AFF3: variants seen among roughly 807,000 people sequenced by gnomAD.
The protein encoded by AFF3 is AF4/FMR2 family member 3.
Under a neutral mutation model 129.7 loss-of-function variants are expected in AFF3, and 32 were observed. That is an observed-to-expected ratio of 0.25 (90% CI 0.19 to 0.33). AFF3 has a LOEUF of 0.33. Among genes scored for constraint, AFF3 ranks in the 10% least tolerant of loss-of-function variants. The probability of loss-of-function intolerance (pLI) is 1.00; values close to 1 mark genes in which losing one functional copy is unlikely to be tolerated. For missense variants in AFF3, 1,373 were observed against 1,592.0 expected (o/e 0.86, Z 2.34); for synonymous variants, 644 against 635.4 (o/e 1.01, Z -0.20).
chr2:99,896,682 C>T (rs1693990161), intron 7 of AFF3, among the ~76,000 whole-genome samples: 1 of 117,672 alleles, frequency 8.5e-6, no homozygotes, highest in Non-Finnish European at 1.6e-5. Flanking sequence ...GTCACCCAGG[C>T]TGGAGTGCCG....
chr2:99,788,314 A>G (rs1684955627), intron 8 of AFF3, among the ~76,000 whole-genome samples: 1 of 152,150 alleles, frequency 6.6e-6, no homozygotes, highest in Non-Finnish European at 1.5e-5. Context: ...CTGCTATCAG[A>G]GGAGAGGACA....
At chr2:99,659,617 A>C (rs995613271) in intron 12 of AFF3, among the ~76,000 whole-genome samples, 1 of 152,202 alleles carries the variant, frequency 6.6e-6, no homozygotes, top group Non-Finnish European at 1.5e-5. Context: ...ATAAGTGCTA[A>C]GTTCGAAAAG....
chr2:100,033,057 A>C (rs1345624060), intron 4 of AFF3, among the ~76,000 whole-genome samples: 1 of 152,134 alleles, frequency 6.6e-6, no homozygotes, highest in Non-Finnish European at 1.5e-5. Context: ...TCCACATACA[A>C]TTTTGTACAC....
chr2:99,924,952 T>C (rs1007628639), intron 7 of AFF3, among the ~76,000 whole-genome samples: 20 of 151,902 alleles, frequency 1.3e-4, no homozygotes, highest in Non-Finnish European at 1.9e-4. Context: ...CATGGCTCAC[T>C]GCAGCCTTGA....
intron 13 of AFF3, among the ~76,000 whole-genome samples, chr2:99,639,003 C>T (rs545620136): frequency 7.4e-4 from 112 of 152,290 alleles, no homozygotes; most frequent in African/African-American, 2.4e-3. Context: ...GAATTTCACC[C>T]GGAGGAGCCT....
chr2:100,125,753 G>A (rs747424988), intron 2 of AFF3, among the ~76,000 whole-genome samples: 27 of 152,044 alleles, frequency 1.8e-4, no homozygotes, highest in Non-Finnish European at 4.4e-5. Flanking sequence ...GGAAGGAGAG[G>A]AGGTGTTCCC....
intron 8 of AFF3, among the ~76,000 whole-genome samples, chr2:99,788,809 G>A (rs1418234053): frequency 6.6e-6 from 1 of 152,030 alleles, no homozygotes; most frequent in Non-Finnish European, 1.5e-5. Context: ...TCGTGGTAAG[G>A]GTCCTATGCA....
intron 11 of AFF3, among the ~76,000 whole-genome samples, chr2:99,695,193 C>T (rs1039731709): frequency 6.6e-6 from 1 of 152,088 alleles, no homozygotes; most frequent in Non-Finnish European, 1.5e-5. Context: ...TTAAGCCTAC[C>T]TCAGCTCAGA....
chr2:99,775,666 A>G (rs1188537599), intron 8 of AFF3, among the ~76,000 whole-genome samples: 2 of 152,034 alleles, frequency 1.3e-5, no homozygotes, highest in African/African-American at 4.8e-5. Context: ...TCCTGCACAT[A>G]TACCCCAGAA....
intron 4 of AFF3, among the ~76,000 whole-genome samples, chr2:100,045,498 C>T (rs1685760931): frequency 6.6e-6 from 1 of 151,754 alleles, no homozygotes; most frequent in African/African-American, 2.4e-5. Context: ...TAAGTGAGGG[C>T]TTTCAAAAAT....
At chr2:99,704,155 T>C (rs1486407601) in intron 11 of AFF3, among the ~76,000 whole-genome samples, 1 of 152,192 alleles carries the variant, frequency 6.6e-6, no homozygotes, top group Non-Finnish European at 1.5e-5. Flanking sequence ...TTCTTTCATA[T>C]GATGAAAGAA....
intron 7 of AFF3, among the ~76,000 whole-genome samples, chr2:99,844,398 C>T (rs1689558244): frequency 6.6e-6 from 1 of 151,528 alleles, no homozygotes; most frequent in South Asian, 2.1e-4. Context: ...TAATTTCTCC[C>T]CATTCCCCAT....
intron 11 of AFF3, among the ~76,000 whole-genome samples, chr2:99,714,654 C>A (rs1215568197): frequency 6.6e-6 from 1 of 152,136 alleles, no homozygotes; most frequent in Non-Finnish European, 1.5e-5. Flanking sequence ...AAAAGAAAAT[C>A]TTTTGGTAAC....
chr2:99,690,349 T>G (rs1211789828), intron 11 of AFF3, among the ~76,000 whole-genome samples: 1 of 150,450 alleles, frequency 6.6e-6, no homozygotes, highest in Non-Finnish European at 1.5e-5. Flanking sequence ...CCCGGCTAAT[T>G]TTTTTGTATT....
chr2:100,130,608 G>A (rs1692391236), intron 1 of AFF3, among the ~76,000 whole-genome samples: 2 of 152,120 alleles, frequency 1.3e-5, no homozygotes, highest in Non-Finnish European at 2.9e-5. Context: ...AAAAGCCCCT[G>A]GGCACCAAAG....
At chr2:99,840,836 T>G (rs1689265755) in intron 7 of AFF3, among the ~76,000 whole-genome samples, 1 of 152,222 alleles carries the variant, frequency 6.6e-6, no homozygotes, top group African/African-American at 2.4e-5. Flanking sequence ...GATGGTCACT[T>G]GGAAGGATTT....
chr2:100,054,723 T>C (rs544558389), intron 4 of AFF3, among the ~76,000 whole-genome samples: 17 of 152,350 alleles, frequency 1.1e-4, no homozygotes, highest in African/African-American at 3.8e-4. Context: ...TCTATTTCCC[T>C]GGAAAATCCT....
chr2:99,650,404 CA>C (rs1347600030), intron 12 of AFF3, among the ~76,000 whole-genome samples: 5 of 151,750 alleles, frequency 3.3e-5, no homozygotes, highest in African/African-American at 1.2e-4. Context: ...ACTAAAAATA[CA>C]AAAATTAGCT....
intron 7 of AFF3, among the ~76,000 whole-genome samples, chr2:99,880,232 C>T (rs371411433): frequency 3.3e-5 from 5 of 152,152 alleles, no homozygotes; most frequent in South Asian, 2.1e-4. Context: ...GAAATGACAA[C>T]GAAACATTTG....
Sources: gnomAD v4.1 joint callset for allele counts (sites outside exome capture counted in the v4.1 genomes callset) on GRCh38, gnomAD v4.1.1 for gene constraint, MANE v1.5 for transcripts, NCBI Gene and HGNC (gene_info 2026-07-23, HGNC 2026-07-21) for gene names.